FHOD3: variants seen among roughly 807,000 people sequenced by gnomAD.
FHOD3 encodes the protein formin homology 2 domain containing 3.
FHOD3 carries 90 observed loss-of-function variants against 173.0 expected under a neutral mutation model. The observed-to-expected ratio is 0.52, with a 90% confidence interval of 0.44 to 0.62. FHOD3 has a LOEUF of 0.62. FHOD3 is among the 20% of genes least tolerant of loss of function. The pLI is 0.00. For synonymous variants in FHOD3, 828 were observed against 823.0 expected, an observed-to-expected ratio of 1.01 and a Z score of -0.10; for missense variants, 1,945 against 2,034.7, an observed-to-expected ratio of 0.96 and a Z score of 0.85.
At chr18:36,311,971 C>G (rs1430925937) in intron 1 of FHOD3, among the ~76,000 whole-genome samples, 1 of 152,210 alleles carries the variant, frequency 6.6e-6, no homozygotes, top group Non-Finnish European at 1.5e-5. Context: ...TTCCCTGGCC[C>G]TGGGCCCAGC....
chr18:36,747,034 T>A lies in FHOD3; in HGVS notation c.4131T>A (p.His1377Gln). 6.2e-7 allele frequency: 1 copy of A among 1,614,096 alleles called. No individual in the cohort carries two copies. Among genetic ancestry groups the A allele is most frequent in the Non-Finnish European group, 8.5e-7 (1 of 1,179,990 alleles). The part of the protein sequence containing the change: ...SWDHLKAIAK[H>Q]EMKPVLKQRM... ...ATCACCTCAAGGCAATTGCAAAACA[T>A]GAAATGAAACCAGTTTTAAAACAAC... The change falls in exon 24 of 29, where the codon CAT becomes CAA. Residue 1377 changes from histidine to glutamine, a missense_variant. By Grantham distance (24) the His-to-Gln change is conservative. This residue lies in a region of FHOD3 where 354 missense variants were observed against 359.9 expected (regional missense o/e 0.98). Coordinates refer to ENST00000590592, the MANE Select transcript of FHOD3 (RefSeq NM_001281740.3).
At chr18:36,335,122 G>A (rs1367276305) in intron 1 of FHOD3, among the ~76,000 whole-genome samples, 1 of 152,114 alleles carries the variant, frequency 6.6e-6, no homozygotes, top group Non-Finnish European at 1.5e-5. Context: ...GGCTTCCCTG[G>A]GCCACACTGG....
At position 36,581,963 on chromosome 18, in the gene FHOD3, TAG is replaced by T. The variant is rs746129277; in HGVS notation, c.606+5422_606+5423del. 1.1e-4 allele frequency among the ~76,000 whole-genome samples: 17 copies of T among 151,888 alleles called. No individual in the cohort carries two copies. In the East Asian group the frequency reaches 1.7e-3, roughly 16 times the overall value. On this transcript the variant is annotated intron_variant, in intron 6 of 28. Transcript: ENST00000590592. ...CAGTGGAAACAGAATAATGAAAAAATAGAGACATTTTGAGGACTAGCCTTCTA... is the reference window on the plus strand; with the variant it reads ...CAGTGGAAACAGAATAATGAAAAAATAGACATTTTGAGGACTAGCCTTCTA...
At chr18:36,419,709 T>C (rs2049885406) in intron 3 of FHOD3, among the ~76,000 whole-genome samples, 1 of 152,094 alleles carries the variant, frequency 6.6e-6, no homozygotes. Flanking sequence ...AAATAGTGAG[T>C]TAGTGTGTCT....
chr18:36,695,129 G>T (rs2039199041), intron 17 of FHOD3, among the ~76,000 whole-genome samples: 1 of 151,842 alleles, frequency 6.6e-6, no homozygotes, highest in African/African-American at 2.4e-5. Flanking sequence ...GATCACCTGA[G>T]GTCGGGAGTT....
At chr18:36,777,058 G>A (rs1479541684) in intron 28 of FHOD3, among the ~76,000 whole-genome samples, 1 of 152,120 alleles carries the variant, frequency 6.6e-6, no homozygotes, top group Non-Finnish European at 1.5e-5. Flanking sequence ...AAATATCTGT[G>A]GGGTCTTCTG....
At chr18:36,580,707 C>T (rs1270188141) in intron 6 of FHOD3, among the ~76,000 whole-genome samples, 2 of 152,186 alleles carry the variant, frequency 1.3e-5, no homozygotes, top group African/African-American at 4.8e-5. Context: ...TTGAAAAGAA[C>T]AACAGATACA....
intron 3 of FHOD3, among the ~76,000 whole-genome samples, chr18:36,416,504 T>A (rs2049657004): frequency 6.6e-6 from 1 of 152,220 alleles, no homozygotes; most frequent in Non-Finnish European, 1.5e-5. Context: ...CATGATCTGC[T>A]CATTAGCACA....
intron 3 of FHOD3, among the ~76,000 whole-genome samples, chr18:36,433,066 G>A (rs904933966): frequency 6.6e-6 from 1 of 152,240 alleles, no homozygotes. Context: ...CTCTTAATGG[G>A]CTCCCCTGAT....
chr18:36,639,411 C>G lies in FHOD3; in HGVS notation c.1197-9905C>G, dbSNP rs530530570. On this transcript the variant is annotated intron_variant, in intron 10 of 28. Transcript: ENST00000590592. ...AAAAAGGCAGGGTGTGGTGGCTCAC[C>G]TCTGTAATCCCAGCAATTTGGGAGG... Among the ~76,000 whole-genome samples the G allele has an allele frequency of 3.9e-5, 6 of 152,126 alleles. No homozygotes were observed. In the South Asian group the frequency reaches 8.3e-4, roughly 21 times the overall value.
At chr18:36,399,097 A>T (rs551518612) in intron 3 of FHOD3, among the ~76,000 whole-genome samples, 2 of 152,254 alleles carry the variant, frequency 1.3e-5, no homozygotes, top group African/African-American at 4.8e-5. Flanking sequence ...GCAAGCAGAG[A>T]TCTACGCCAC....
chr18:36,705,851 T>G (rs1205459392), intron 17 of FHOD3, among the ~76,000 whole-genome samples: 3 of 152,152 alleles, frequency 2.0e-5, no homozygotes, highest in Non-Finnish European at 4.4e-5. Context: ...TTATATGGTT[T>G]CTCCCGTTTC....
At chr18:36,329,214 C>T (rs2044846115) in intron 1 of FHOD3, among the ~76,000 whole-genome samples, 1 of 152,166 alleles carries the variant, frequency 6.6e-6, no homozygotes, top group Admixed American at 6.5e-5. Context: ...TGTCCCACCC[C>T]ACTGAAACCT....
intron 3 of FHOD3, among the ~76,000 whole-genome samples, chr18:36,493,214 T>TTTC (rs2054558230): frequency 7.6e-5 from 1 of 13,074 alleles, no homozygotes; most frequent in African/African-American, 2.7e-4. Context: ...TTTCTTTTTC[T>TTTC]TTTTTTTTTT....
In FHOD3 at chr18:36,642,894, A is replaced by ATTT. The variant is rs147521132; in HGVS notation, c.1197-6414_1197-6412dup. Among the ~76,000 whole-genome samples, 12 of 147,306 alleles carry ATTT rather than the reference A, an allele frequency of 8.1e-5. No homozygotes were observed. In the East Asian group the frequency reaches 1.2e-3, roughly 15 times the overall value. On this transcript the variant is annotated intron_variant, in intron 10 of 28. Transcript: ENST00000590592. ...TTTTATTGTGGGGGTTTTTTTCAGTATTTTTTTTTTACTTTTTTTTCTGTA... is the reference window on the plus strand; with the variant it reads ...TTTTATTGTGGGGGTTTTTTTCAGTATTTTTTTTTTTTTACTTTTTTTTCTGTA...
At chr18:36,548,699 T>C (rs1230977075) in intron 5 of FHOD3, among the ~76,000 whole-genome samples, 1 of 152,242 alleles carries the variant, frequency 6.6e-6, no homozygotes, top group African/African-American at 2.4e-5. Context: ...ACATGTCCTT[T>C]TATTGTCTGG....
At position 36,742,721 on chromosome 18, in the gene FHOD3, T is replaced by C. The variant is rs771441999; in HGVS notation, c.3760-16T>C. ...ATTGTACACTCTTTATTGTCTAATTTTTTTTTAACTGAAAGGAAGTAGCAG... is the reference window on the plus strand; with the variant it reads ...ATTGTACACTCTTTATTGTCTAATTCTTTTTTAACTGAAAGGAAGTAGCAG... On this transcript the variant is annotated splice_polypyrimidine_tract_variant and intron_variant, in intron 21 of 28. Transcript: ENST00000590592. 2 of 1,599,422 alleles carry C rather than the reference T, an allele frequency of 1.3e-6. No homozygotes were observed. The highest frequency in any genetic ancestry group is 2.3e-5 in the South Asian group (2 of 88,084).
intron 3 of FHOD3, among the ~76,000 whole-genome samples, chr18:36,418,185 T>C (rs768584823): frequency 7.9e-5 from 12 of 152,190 alleles, no homozygotes; most frequent in Non-Finnish European, 1.6e-4. Flanking sequence ...CTTCAATCCA[T>C]TTAGACAAAC....
intron 6 of FHOD3, among the ~76,000 whole-genome samples, chr18:36,580,829 C>A (rs1302574640): frequency 6.6e-6 from 1 of 152,214 alleles, no homozygotes. Context: ...AAGAAATCAG[C>A]AAAGCCAGGG....
Sources: allele counts gnomAD v4.1 joint callset (sites outside exome capture counted in the v4.1 genomes callset), GRCh38; gene constraint gnomAD v4.1.1; regional missense constraint gnomAD v4.1.1; transcripts MANE v1.5; gene names NCBI Gene and HGNC (gene_info 2026-07-23, HGNC 2026-07-21).